Variants in GAS7 observed in about 807,000 individuals in gnomAD.
GAS7 encodes the protein growth arrest specific 7.
Under a neutral mutation model 71.1 loss-of-function variants are expected in GAS7, and 28 were observed. The observed-to-expected ratio is 0.39, with a 90% CI of 0.29 to 0.54. The LOEUF (loss-of-function observed/expected upper bound fraction) is 0.54. Among genes scored for constraint, GAS7 ranks in the 20% least tolerant of loss-of-function variants. The pLI, the probability that GAS7 is intolerant of heterozygous loss-of-function variation, is 0.62. For missense variants in GAS7, 436 were observed against 627.8 expected (o/e 0.69, Z 3.27); for synonymous variants, 258 against 245.8 (o/e 1.05, Z -0.46).
intron 1 of GAS7, among the ~76,000 whole-genome samples, chr17:10,098,784 C>T (rs1005760341): frequency 3.9e-5 from 6 of 152,074 alleles, no homozygotes; most frequent in African/African-American, 1.4e-4. Context: ...ACGGTGAAGC[C>T]CTGTCTCTAC....
chr17:10,157,053 G>A (rs2142113920), intron 1 of GAS7, among the ~76,000 whole-genome samples: 1 of 152,250 alleles, frequency 6.6e-6, no homozygotes, highest in South Asian at 2.1e-4. Flanking sequence ...AGAAGAAACA[G>A]AAAGCCAAAT....
intron 3 of GAS7, among the ~76,000 whole-genome samples, chr17:9,972,940 C>A: frequency 6.6e-6 from 1 of 152,108 alleles, no homozygotes; most frequent in Non-Finnish European, 1.5e-5. Context: ...AAATCCACAG[C>A]CTTAATTATT....
At chr17:10,120,634 C>T (rs2073896823) in intron 1 of GAS7, among the ~76,000 whole-genome samples, 2 of 152,148 alleles carry the variant, frequency 1.3e-5, no homozygotes, top group Non-Finnish European at 1.5e-5. Context: ...ATCGCTTGAA[C>T]CTGGGAGGCG....
At position 9,913,952 on chromosome 17, in the gene GAS7, T is replaced by G. The variant is rs1295888878; in HGVS notation, c.*3276A>C. 1.3e-5 allele frequency: 3 copies of G among 231,944 alleles called. No individual in the cohort carries two copies. The highest frequency in any genetic ancestry group is 2.6e-5 in the Non-Finnish European group (3 of 117,362). 14.4% of individuals were successfully genotyped at this position (231,944 alleles called of 1,614,324 possible). A position where few individuals can be genotyped will look rare whatever the true frequency, so the allele number is the denominator to read the frequency against. ...GAAATGGAAGGGACATTCTCAAGAA[T>G]AGCCCAGACCCGCCCACTTTGAATA... On this transcript the variant is annotated 3_prime_UTR_variant, in exon 14 of 14. Transcript: ENST00000432992.
At chr17:10,059,898 G>A in intron 1 of GAS7, 1 of 729,648 alleles carries the variant, frequency 1.4e-6, no homozygotes, top group Non-Finnish European at 1.7e-6. Context: ...CAAAATGAAA[G>A]AGAAGTATTC....
intron 1 of GAS7, among the ~76,000 whole-genome samples, chr17:10,115,816 C>A (rs551966434): frequency 6.6e-6 from 1 of 152,322 alleles, no homozygotes; most frequent in East Asian, 1.9e-4. Flanking sequence ...CCTCCCCAGC[C>A]ATGACAGATT....
intron 9 of GAS7, among the ~76,000 whole-genome samples, chr17:9,930,323 ATCTGG>A (rs780157107): frequency 1.1e-4 from 17 of 152,238 alleles, no homozygotes; most frequent in Non-Finnish European, 2.4e-4. Context: ...AAAGAGACTG[ATCTGG>A]TCTGAATTCT....
intron 1 of GAS7, among the ~76,000 whole-genome samples, chr17:10,188,628 TTG>T (rs563784141): frequency 2.0e-5 from 3 of 151,882 alleles, no homozygotes; most frequent in Non-Finnish European, 2.9e-5. Flanking sequence ...TTATATGGTT[TTG>T]TGTGTGTGTG....
chr17:10,033,469 G>A (rs907199991), intron 1 of GAS7, among the ~76,000 whole-genome samples: 49 of 152,150 alleles, frequency 3.2e-4, no homozygotes, highest in Non-Finnish European at 8.8e-5. Context: ...TTTACCAAGC[G>A]TCCTATTGCA....
At chr17:10,198,151 G>A (rs1178810323) in intron 1 of GAS7, 57 bp downstream of exon 1, 4 of 1,524,188 alleles carry the variant, frequency 2.6e-6, no homozygotes, top group East Asian at 2.3e-5. Flanking sequence ...CAACAGGTAC[G>A]CGAGCGCACC....
chr17:9,959,916 C>T lies in GAS7; in HGVS notation c.472-661G>A, dbSNP rs1001087276. On this transcript the variant is annotated intron_variant, in intron 4 of 13. Transcript: ENST00000432992. This position sits in a 1 kb window ranked among gnomAD's most constrained non-coding sequence, Gnocchi z 5.0. Reference sequence around the variant, plus strand: ...TGAGCCTGGGGTCCTCAGCAGTTTGCCAAAGTCCTGGGATCGTTCTGGCAG... The same window carrying T: ...TGAGCCTGGGGTCCTCAGCAGTTTGTCAAAGTCCTGGGATCGTTCTGGCAG... Among the ~76,000 whole-genome samples, 3 of 152,168 alleles carry T rather than the reference C, an allele frequency of 2.0e-5. No individual in the cohort carries two copies. Among genetic ancestry groups the T allele is most frequent in the Non-Finnish European group, 2.9e-5 (2 of 68,038 alleles).
intron 1 of GAS7, among the ~76,000 whole-genome samples, chr17:10,190,053 G>A (rs1220427908): frequency 6.6e-6 from 1 of 152,118 alleles, no homozygotes; most frequent in Admixed American, 6.5e-5. Flanking sequence ...TGGAACACAG[G>A]CACGCCCATT....
chr17:10,192,083 C>T (rs2074506981), intron 1 of GAS7, among the ~76,000 whole-genome samples: 1 of 152,084 alleles, frequency 6.6e-6, no homozygotes, highest in Non-Finnish European at 1.5e-5. Context: ...CCTCTTAAGA[C>T]TCCTCAAAAA....
intron 3 of GAS7, among the ~76,000 whole-genome samples, chr17:9,976,782 G>A (rs1276680069): frequency 6.6e-6 from 1 of 152,104 alleles, no homozygotes; most frequent in Non-Finnish European, 1.5e-5. Context: ...CGCCCACCAG[G>A]ACAACCTCAA....
At chr17:10,147,439 T>C (rs2074130214) in intron 1 of GAS7, among the ~76,000 whole-genome samples, 1 of 152,166 alleles carries the variant, frequency 6.6e-6, no homozygotes, top group Admixed American at 6.6e-5. Flanking sequence ...TAAGCTGATT[T>C]CTAAAATACG....
intron 1 of GAS7, among the ~76,000 whole-genome samples, chr17:10,029,041 C>T (rs901839224): frequency 6.6e-6 from 1 of 152,176 alleles, no homozygotes; most frequent in African/African-American, 2.4e-5. Context: ...CTACGCTGTT[C>T]AAGGCAAAGT....
At chr17:10,188,031 G>A (rs2074468884) in intron 1 of GAS7, among the ~76,000 whole-genome samples, 1 of 152,098 alleles carries the variant, frequency 6.6e-6, no homozygotes, top group African/African-American at 2.4e-5. Flanking sequence ...ATCATTTGAG[G>A]TCAGGAGTTC....
intron 1 of GAS7, among the ~76,000 whole-genome samples, chr17:10,196,939 A>T (rs574860893): frequency 6.6e-6 from 1 of 152,188 alleles, no homozygotes; most frequent in Non-Finnish European, 1.5e-5. Flanking sequence ...CCAGATACAG[A>T]ACCAAGAGGG....
At chr17:10,159,268 A>G (rs9911494) in intron 1 of GAS7, among the ~76,000 whole-genome samples, 32,912 of 150,892 alleles carry the variant, frequency 0.22, 4,287 homozygotes, top group African/African-American at 0.36. Flanking sequence ...GAGTAAACAT[A>G]TGATACACAT....
Sources: gnomAD v4.1 joint callset for allele counts (sites outside exome capture counted in the v4.1 genomes callset) on GRCh38, gnomAD v4.1.1 for gene constraint, Gnocchi (gnomAD v3.1) non-coding constraint, MANE v1.5 for transcripts, NCBI Gene and HGNC (gene_info 2026-07-23, HGNC 2026-07-21) for gene names.